The following PLEKHA8 variants were observed in gnomAD, a reference collection of about 807,000 sequenced individuals.
PLEKHA8 encodes the protein pleckstrin homology domain containing A8, also known as pleckstrin homology domain-containing family A member 8.
Under a neutral mutation model 68.2 loss-of-function variants are expected in PLEKHA8, and 36 were observed. The ratio of observed to expected loss-of-function variants is 0.53; its 90% confidence interval spans 0.40 to 0.70. The LOEUF (loss-of-function observed/expected upper bound fraction) is 0.70. Ranked by LOEUF, PLEKHA8 falls within the 30% of genes least tolerant of loss-of-function variation. PLEKHA8 has a pLI of 0.00. For synonymous variants in PLEKHA8, 211 were observed against 216.1 expected (o/e 0.98, Z 0.20); for missense variants, 505 against 615.4 (o/e 0.82, Z 1.90).
At chr7:30,093,006 T>C (rs570594832), downstream of PLEKHA8, among the ~76,000 whole-genome samples, 1 of 152,232 alleles carries the variant, frequency 6.6e-6, no homozygotes, top group Non-Finnish European at 1.5e-5. Flanking sequence ...AGAAGCCTGA[T>C]AAGTTTTCAA....
chr7:30,100,091 T>G (rs1045642838), intron 13 of PLEKHA8, among the ~76,000 whole-genome samples: 5 of 152,164 alleles, frequency 3.3e-5, no homozygotes, highest in African/African-American at 1.2e-4. Context: ...TATCTTTATG[T>G]GTCTGTTGTC....
intron 12 of PLEKHA8, among the ~76,000 whole-genome samples, chr7:30,063,823 G>C (rs1293740188): frequency 6.6e-6 from 1 of 152,186 alleles, no homozygotes; most frequent in East Asian, 1.9e-4. Context: ...ACCAGCATAA[G>C]GTCTGAAGCA....
chr7:30,128,767 G>A (rs948012471), intron 13 of PLEKHA8, among the ~76,000 whole-genome samples: 1 of 152,196 alleles, frequency 6.6e-6, no homozygotes, highest in Non-Finnish European at 1.5e-5. Context: ...GGCTGTACAA[G>A]AAGCATGGCA....
intron 13 of PLEKHA8, among the ~76,000 whole-genome samples, chr7:30,119,923 T>C (rs1366849555): frequency 6.6e-6 from 1 of 152,158 alleles, no homozygotes; most frequent in African/African-American, 2.4e-5. Context: ...TCAGCTGATA[T>C]ACACAACTCA....
At position 30,080,749 on chromosome 7, in the gene PLEKHA8, C is replaced by G; in HGVS notation, c.*1962C>G. On this transcript the variant is annotated 3_prime_UTR_variant, in exon 14 of 14. Transcript: ENST00000449726. ...GTTATTTCCCTCCCACTCTCATGAGCAGTGAGTATAGATCTCCTTCTCTGA... is the reference window on the plus strand; with the variant it reads ...GTTATTTCCCTCCCACTCTCATGAGGAGTGAGTATAGATCTCCTTCTCTGA... 4 of 985,244 alleles carry G rather than the reference C, an allele frequency of 4.1e-6. No homozygotes were observed. Among genetic ancestry groups the G allele is most frequent in the Non-Finnish European group, 4.8e-6 (4 of 829,838 alleles). 61.0% of individuals were successfully genotyped at this position (985,244 alleles called of 1,614,324 possible).
rs1442576634 is a variant in PLEKHA8 at position 30,084,286 on chromosome 7, T to G, written c.*5499T>G. The stretch of plus-strand genomic sequence containing the variant: ...ATTCTTATGAATGTTTGTGGTTTCA[T>G]AGATTTATGCACTTTGAATATCTGT... On this transcript the variant is annotated 3_prime_UTR_variant, in exon 14 of 14. Transcript: ENST00000449726. The G allele has an allele frequency of 3.0e-6, 3 of 985,308 alleles. No individual in the cohort carries two copies. The highest frequency in any genetic ancestry group is 3.6e-6 in the Non-Finnish European group (3 of 829,914). The allele number at this position is 985,308 out of a possible 1,614,324, so 61.0% of individuals were successfully genotyped here. A position where few individuals can be genotyped will look rare whatever the true frequency, so the allele number is the denominator to read the frequency against.
intron 13 of PLEKHA8, among the ~76,000 whole-genome samples, chr7:30,128,089 G>GTTTTTTTTTTTTTT (rs1487431952): frequency 8.2e-6 from 1 of 121,574 alleles, no homozygotes; most frequent in African/African-American, 3.0e-5. Context: ...GAGTTTTACT[G>GTTTTTTTTTTTTTT]TATTTTTTTT....
At position 30,082,117 on chromosome 7, in the gene PLEKHA8, G is replaced by A. The variant is rs866049981; in HGVS notation, c.*3330G>A. The stretch of plus-strand genomic sequence containing the variant: ...CCTGTGGGCCCAAGACATTGACTTC[G>A]AAGGGTAGTTCTCATTAGGATGTAT... On this transcript the variant is annotated 3_prime_UTR_variant, in exon 14 of 14. Coordinates refer to ENST00000449726, the MANE Select transcript of PLEKHA8 (RefSeq NM_001197026.2). The A allele has an allele frequency of 2.9e-5, 29 of 985,274 alleles. No homozygotes were observed. The highest frequency in any genetic ancestry group is 5.2e-4 in the Middle Eastern group (1 of 1,936). The allele number at this position is 985,274 out of a possible 1,614,324, so 61.0% of individuals were successfully genotyped here.
chr7:30,039,264 A>G (rs1051401429), intron 1 of PLEKHA8, among the ~76,000 whole-genome samples: 1 of 152,200 alleles, frequency 6.6e-6, no homozygotes, highest in Non-Finnish European at 1.5e-5. Context: ...CTGTAATCCT[A>G]GCACTTTTGG....
chr7:30,036,411 G>GA (rs1483692800), intron 1 of PLEKHA8, among the ~76,000 whole-genome samples: 2 of 7,890 alleles, frequency 2.5e-4, no homozygotes, highest in Admixed American at 1.8e-3. Flanking sequence ...GGATAGAATA[G>GA]ATAGATAGAT....
chr7:30,056,344 TATAATATATATAACAC>T lies in PLEKHA8; in HGVS notation c.1039+1006_1039+1021del, dbSNP rs1562870161. ...TATATATATATATAAATAACATATA[TATAATATATATAACAC>T]ATATATATATAAATAACATATATAT... On this transcript the variant is annotated intron_variant, in intron 9 of 13. Transcript: ENST00000449726. 3.5e-3 allele frequency among the ~76,000 whole-genome samples: 448 copies of T among 128,618 alleles called. 2 individuals are homozygous for T. The highest frequency in any genetic ancestry group is 8.1e-3 in the Middle Eastern group (2 of 246). 84.4% of individuals were successfully genotyped at this position (128,618 alleles called of 152,430 possible).
chr7:30,098,291 G>A (rs1313463232), intron 13 of PLEKHA8, among the ~76,000 whole-genome samples: 1 of 152,250 alleles, frequency 6.6e-6, no homozygotes, highest in African/African-American at 2.4e-5. Flanking sequence ...ACTTGAGGAG[G>A]CAGTCTGCCT....
chr7:30,092,115 A>T (rs903798416), downstream of PLEKHA8, among the ~76,000 whole-genome samples: 1 of 152,204 alleles, frequency 6.6e-6, no homozygotes, highest in African/African-American at 2.4e-5. Flanking sequence ...GTATGAAAAG[A>T]TGATCACAGG....
chr7:30,047,325 G>A (rs1792038517), intron 3 of PLEKHA8, among the ~76,000 whole-genome samples: 1 of 152,100 alleles, frequency 6.6e-6, no homozygotes, highest in Non-Finnish European at 1.5e-5. Flanking sequence ...GGTGCCATTA[G>A]CCTTGACAAG....
At chr7:30,032,906 G>A (rs1045325033) in intron 1 of PLEKHA8, among the ~76,000 whole-genome samples, 2 of 152,224 alleles carry the variant, frequency 1.3e-5, no homozygotes, top group Non-Finnish European at 2.9e-5. Context: ...TAAAGCTCAA[G>A]CACATTGCAT....
At chr7:30,085,869 G>A (rs1054718946), downstream of PLEKHA8, among the ~76,000 whole-genome samples, 2 of 152,192 alleles carry the variant, frequency 1.3e-5, no homozygotes, top group Admixed American at 1.3e-4. Context: ...GAAGGATGGT[G>A]TAGGCACACT....
chr7:30,074,995 A>G (rs1460232833), intron 13 of PLEKHA8: 1 of 152,156 alleles, frequency 6.6e-6, no homozygotes, highest in Admixed American at 6.6e-5. Flanking sequence ...TCTTAGTCAA[A>G]TCTAGTCATG....
At chr7:30,121,063 T>G (rs1191504579) in intron 13 of PLEKHA8, among the ~76,000 whole-genome samples, 1 of 151,842 alleles carries the variant, frequency 6.6e-6, no homozygotes, top group Non-Finnish European at 1.5e-5. Context: ...GGGAAAAATG[T>G]AACAATGGCC....
At chr7:30,099,826 A>G (rs1186570853) in intron 13 of PLEKHA8, among the ~76,000 whole-genome samples, 1 of 152,244 alleles carries the variant, frequency 6.6e-6, no homozygotes, top group East Asian at 1.9e-4. Context: ...AAATTCATGA[A>G]CAGCTTGTAT....
Sources: gnomAD v4.1 joint callset for allele counts (sites outside exome capture counted in the v4.1 genomes callset) on GRCh38, gnomAD v4.1.1 for gene constraint, MANE v1.5 for transcripts, NCBI Gene and HGNC (gene_info 2026-07-23, HGNC 2026-07-21) for gene names.